Variants in CTNNA3 observed in about 807,000 individuals in gnomAD.
CTNNA3 encodes the protein catenin alpha-3.
Under a neutral mutation model 95.7 loss-of-function variants are expected in CTNNA3, and 76 were observed. The ratio of observed to expected loss-of-function variants is 0.79; its 90% CI spans 0.66 to 0.96. The LOEUF (loss-of-function observed/expected upper bound fraction) is 0.96. Among genes scored for constraint, CTNNA3 ranks in the 40% least tolerant of loss-of-function variants. The pLI, the probability that CTNNA3 is intolerant of heterozygous loss-of-function variation, is 0.00. For synonymous variants in CTNNA3, 431 were observed against 374.4 expected (o/e 1.15, Z -1.74); for missense variants, 1,191 against 1,089.8 (o/e 1.09, Z -1.31).
At chr10:66,584,659 T>G (rs975054461) in intron 10 of CTNNA3, among the ~76,000 whole-genome samples, 41 of 152,100 alleles carry the variant, frequency 2.7e-4, no homozygotes, top group Middle Eastern at 3.4e-3. Flanking sequence ...GTGCATCTTT[T>G]TAAAGTGGAG....
At chr10:66,469,309 T>C (rs1332900691) in intron 11 of CTNNA3, among the ~76,000 whole-genome samples, 2 of 151,904 alleles carry the variant, frequency 1.3e-5, no homozygotes, top group Non-Finnish European at 2.9e-5. Context: ...ATATAAAAGA[T>C]GAACAGAAGT....
At chr10:67,410,516 A>C (rs776321274) in intron 5 of CTNNA3, among the ~76,000 whole-genome samples, 8 of 152,084 alleles carry the variant, frequency 5.3e-5, no homozygotes, top group Non-Finnish European at 1.2e-4. Flanking sequence ...ACTTAAAATA[A>C]AAGTTGGAAA....
At chr10:67,528,129 TA>T (rs1472772641) in intron 4 of CTNNA3, among the ~76,000 whole-genome samples, 1 of 152,206 alleles carries the variant, frequency 6.6e-6, no homozygotes, top group East Asian at 1.9e-4. Flanking sequence ...GTTGATAATG[TA>T]AAAAAGACTG....
intron 7 of CTNNA3, among the ~76,000 whole-genome samples, chr10:66,954,176 A>C (rs1848677806): frequency 6.6e-6 from 1 of 152,178 alleles, no homozygotes; most frequent in African/African-American, 2.4e-5. Flanking sequence ...TCTAGTATGA[A>C]ATTTGAAATA....
chr10:66,781,393 G>T, intron 7 of CTNNA3, among the ~76,000 whole-genome samples: 1 of 152,012 alleles, frequency 6.6e-6, no homozygotes, highest in East Asian at 1.9e-4. Flanking sequence ...CATAGCACAG[G>T]CACAGATTCT....
chr10:67,758,753 C>CT (rs1841447439), intron 1 of CTNNA3, among the ~76,000 whole-genome samples: 1 of 116,626 alleles, frequency 8.6e-6, no homozygotes, highest in Non-Finnish European at 1.8e-5. Context: ...TTATTCTGCC[C>CT]TTCGACATCT....
chr10:66,887,393 T>C (rs954033600), intron 7 of CTNNA3, among the ~76,000 whole-genome samples: 9 of 152,112 alleles, frequency 5.9e-5, no homozygotes, highest in African/African-American at 1.4e-4. Flanking sequence ...TAACTCTTTA[T>C]GCTAAAAGAA....
intron 10 of CTNNA3, among the ~76,000 whole-genome samples, chr10:66,615,456 G>A (rs143637226): frequency 1.3e-5 from 2 of 152,008 alleles, no homozygotes; most frequent in African/African-American, 4.8e-5. Flanking sequence ...ATTTTTCAAA[G>A]AAGAAGGAGA....
intron 9 of CTNNA3, among the ~76,000 whole-genome samples, chr10:66,697,462 A>G (rs1379413086): frequency 6.6e-6 from 1 of 151,850 alleles, no homozygotes; most frequent in African/African-American, 2.4e-5. Context: ...AAATATATGG[A>G]TTATATATGT....
chr10:67,611,801 C>T (rs1246212774), intron 2 of CTNNA3, among the ~76,000 whole-genome samples: 1 of 152,120 alleles, frequency 6.6e-6, no homozygotes, highest in African/African-American at 2.4e-5. Context: ...CCTCCAATAG[C>T]TCACAGGAGC....
intron 15 of CTNNA3, among the ~76,000 whole-genome samples, chr10:66,033,786 A>AT (rs1246250366): frequency 6.6e-6 from 1 of 151,982 alleles, no homozygotes; most frequent in Non-Finnish European, 1.5e-5. Context: ...ACCAGATGAC[A>AT]TTTTTTTCTA....
At chr10:67,062,794 G>T (rs1047942625) in intron 7 of CTNNA3, among the ~76,000 whole-genome samples, 1 of 152,056 alleles carries the variant, frequency 6.6e-6, no homozygotes, top group Non-Finnish European at 1.5e-5. Flanking sequence ...CAAAAGATTT[G>T]GAAGGCAGAT....
intron 5 of CTNNA3, among the ~76,000 whole-genome samples, chr10:67,489,011 T>C (rs778651774): frequency 4.6e-5 from 7 of 152,190 alleles, no homozygotes; most frequent in Admixed American, 2.6e-4. Flanking sequence ...ACTGGGATTA[T>C]AGGCATGAGC....
intron 5 of CTNNA3, among the ~76,000 whole-genome samples, chr10:67,511,345 C>T (rs1364069981): frequency 6.6e-6 from 1 of 152,104 alleles, no homozygotes; most frequent in Non-Finnish European, 1.5e-5. Context: ...TCATAAATAG[C>T]TGTTATTATT....
intron 10 of CTNNA3, among the ~76,000 whole-genome samples, chr10:66,619,811 TATA>T (rs1844679836): frequency 6.6e-6 from 1 of 152,008 alleles, no homozygotes; most frequent in South Asian, 2.1e-4. Context: ...GCAAACATAA[TATA>T]ATGTTTATAT....
At chr10:66,227,244 C>T (rs940776383) in intron 13 of CTNNA3, among the ~76,000 whole-genome samples, 2 of 152,130 alleles carry the variant, frequency 1.3e-5, no homozygotes, top group African/African-American at 4.8e-5. Flanking sequence ...TGAAAGTGGG[C>T]ATCATTGTCC....
chr10:66,872,223 C>A (rs1232492052), intron 7 of CTNNA3, among the ~76,000 whole-genome samples: 5 of 152,036 alleles, frequency 3.3e-5, no homozygotes, highest in African/African-American at 1.2e-4. Context: ...CTTATTTTAT[C>A]CATGCTGCAG....
chr10:66,679,906 T>C (rs1847005121), intron 9 of CTNNA3, among the ~76,000 whole-genome samples: 1 of 152,168 alleles, frequency 6.6e-6, no homozygotes, highest in Admixed American at 6.5e-5. Flanking sequence ...AGTAAACCAA[T>C]TTCTCCAAAA....
At chr10:65,962,727 C>G (rs2077874432) in intron 17 of CTNNA3, among the ~76,000 whole-genome samples, 1 of 139,226 alleles carries the variant, frequency 7.2e-6, no homozygotes, top group African/African-American at 2.6e-5. Flanking sequence ...CCCCGACAGG[C>G]CCCAGTGAGT....
Sources: gnomAD v4.1 joint callset for allele counts (sites outside exome capture counted in the v4.1 genomes callset) on GRCh38, gnomAD v4.1.1 for gene constraint, MANE v1.5 for transcripts, NCBI Gene and HGNC (gene_info 2026-07-23, HGNC 2026-07-21) for gene names.